EYS: variants seen among roughly 807,000 people sequenced by gnomAD.
EYS encodes EGF-like photoreceptor maintenance factor.
In EYS, 250 loss-of-function variants were observed where a neutral mutation model predicts 282.1. The ratio of observed to expected loss-of-function variants is 0.89; its 90% CI spans 0.80 to 0.98. The LOEUF (loss-of-function observed/expected upper bound fraction) is 0.98. EYS is among the 50% of genes least tolerant of loss of function. EYS has a pLI of 0.00. For synonymous variants in EYS, 1,355 were observed against 1,282.9 expected (o/e 1.06, Z -1.20); for missense variants, 4,016 against 3,709.0 (o/e 1.08, Z -2.15).
At chr6:65,120,634 G>T (rs6936093) in intron 12 of EYS, among the ~76,000 whole-genome samples, 3 of 152,026 alleles carry the variant, frequency 2.0e-5, no homozygotes, top group Non-Finnish European at 4.4e-5. Context: ...TAAAACCTCA[G>T]AGGGACTCCA....
chr6:64,108,323 C>A lies in EYS; in HGVS notation c.6425-26321G>T, dbSNP rs1342694585. ...ATTTCTGCTCCAATAAATTATAATT[C>A]TCTGTATTCAGCTGGCTGTTTTTCC... is the stretch of plus-strand genomic sequence containing the variant. On this transcript the variant is annotated intron_variant, in intron 31 of 42. Transcript: ENST00000503581. 2.0e-5 allele frequency among the ~76,000 whole-genome samples: 3 copies of A among 152,072 alleles called. No homozygotes were observed. The East Asian group carries it at 5.8e-4, about 29-fold the overall frequency.
intron 32 of EYS, among the ~76,000 whole-genome samples, chr6:64,070,028 TGTG>T (rs1771516480): frequency 6.6e-6 from 1 of 152,140 alleles, no homozygotes; most frequent in Non-Finnish European, 1.5e-5. Flanking sequence ...TTCAATCTGT[TGTG>T]AATTGTTTCT....
At chr6:64,240,549 C>G (rs989555107) in intron 30 of EYS, among the ~76,000 whole-genome samples, 1 of 151,994 alleles carries the variant, frequency 6.6e-6, no homozygotes, top group Non-Finnish European at 1.5e-5. Context: ...ATTTGGCTCT[C>G]TATTTGTCTG....
At chr6:65,443,499 T>G (rs1768510267) in intron 5 of EYS, among the ~76,000 whole-genome samples, 1 of 151,734 alleles carries the variant, frequency 6.6e-6, no homozygotes, top group Non-Finnish European at 1.5e-5. Context: ...GCGCATATAC[T>G]TATATGTATA....
intron 2 of EYS, among the ~76,000 whole-genome samples, chr6:65,628,676 G>C (rs565922797): frequency 6.6e-6 from 1 of 151,856 alleles, no homozygotes; most frequent in African/African-American, 2.4e-5. Flanking sequence ...CACTCACCGC[G>C]AAGGTCTGCA....
chr6:63,824,113 C>T (rs1300899231), intron 36 of EYS, among the ~76,000 whole-genome samples: 1 of 152,214 alleles, frequency 6.6e-6, no homozygotes, highest in Non-Finnish European at 1.5e-5. Flanking sequence ...TCTCGTCTCT[C>T]TTTCATTTAT....
Position 64,593,222 on chromosome 6 carries a change from T to C in EYS, c.3772A>G (p.Thr1258Ala), listed in dbSNP as rs2149833351. ...PIFQRTDPIS[T>A]QTYTIPPSET... ...GAAGGGGGAATTGTATATGTCTGTG[T>C]GGAAATGGGATCTGTTCTTTGAAAG... is the stretch of plus-strand genomic sequence containing the variant. The change falls in exon 25 of 43, where the codon ACA (threonine) becomes GCA (alanine). Residue 1258 changes from threonine to alanine, a missense_variant. By Grantham distance (58) the Thr-to-Ala change is moderately conservative. Coordinates refer to ENST00000503581, the MANE Select transcript of EYS (RefSeq NM_001142800.2). 2 of 1,550,726 alleles carry C rather than the reference T, an allele frequency of 1.3e-6. No homozygotes were observed. The highest frequency in any genetic ancestry group is 2.0e-5 in the Admixed American group (1 of 50,920).
rs554329139 is a variant in EYS, at chr6:64,309,941, G to A, written c.6079-2859C>T. On this transcript the variant is annotated intron_variant, in intron 29 of 42. Coordinates refer to ENST00000503581, the MANE Select transcript of EYS (RefSeq NM_001142800.2). ...GATCGTACCACTGCCCTCCAGCCTG[G>A]TGACAGAGCAAGACTCCATGAAAAA... 3.1e-4 allele frequency among the ~76,000 whole-genome samples: 45 copies of A among 146,516 alleles called. No homozygotes were observed. The East Asian group carries it at 8.3e-3, about 27-fold the overall frequency.
chr6:65,352,888 A>C (rs1408233794), intron 9 of EYS, among the ~76,000 whole-genome samples: 1 of 151,932 alleles, frequency 6.6e-6, no homozygotes, highest in East Asian at 1.9e-4. Flanking sequence ...ACAGGCCTTC[A>C]AAGAAGCCAT....
chr6:65,402,601 A>C lies in EYS; in HGVS notation c.1061T>G (p.Val354Gly). ...GTDCIKISND[V>G]MCICSPIFTD... ...AAATATTGGTGAACAGATGCACATA[A>C]CATCCTAGGAAAGATTAAAAAAATA... is the stretch of plus-strand genomic sequence containing the variant. Residue 354 changes from valine (V) to glycine (G), a missense_variant, in exon 7 of 43, where the codon GTT (valine) becomes GGT (glycine). Val to Gly is a moderately radical substitution (Grantham distance 109). Coordinates refer to ENST00000503581, the MANE Select transcript of EYS (RefSeq NM_001142800.2). The C allele has an allele frequency of 6.4e-7, 1 of 1,572,990 alleles. No individual in the cohort carries two copies. Among genetic ancestry groups the C allele is most frequent in the Non-Finnish European group, 8.7e-7 (1 of 1,143,890 alleles).
intron 12 of EYS, among the ~76,000 whole-genome samples, chr6:65,249,906 T>C (rs1187124483): frequency 6.6e-6 from 1 of 152,040 alleles, no homozygotes; most frequent in African/African-American, 2.4e-5. Flanking sequence ...GAAGCATCAC[T>C]GGCAATACGT....
intron 2 of EYS, among the ~76,000 whole-genome samples, chr6:65,623,063 C>T (rs956868665): frequency 2.6e-5 from 4 of 152,118 alleles, no homozygotes; most frequent in Non-Finnish European, 4.4e-5. Flanking sequence ...TGGTGATTCT[C>T]CTTTTTAATA....
intron 12 of EYS, among the ~76,000 whole-genome samples, chr6:65,180,783 A>G (rs561405263): frequency 6.6e-6 from 1 of 152,278 alleles, no homozygotes; most frequent in Admixed American, 6.5e-5. Context: ...AGCTGGAGGC[A>G]TCACCCTACC....
chr6:65,170,150 T>G (rs1765070274), intron 12 of EYS, among the ~76,000 whole-genome samples: 1 of 151,260 alleles, frequency 6.6e-6, no homozygotes, highest in South Asian at 2.1e-4. Context: ...AACCCCATGG[T>G]GAAGATGTTG....
At chr6:65,336,393 T>C (rs1159158698) in intron 10 of EYS, among the ~76,000 whole-genome samples, 3 of 151,750 alleles carry the variant, frequency 2.0e-5, no homozygotes, top group Admixed American at 6.6e-5. Context: ...TCATTTTTAA[T>C]AGTCAAATTG....
intron 8 of EYS, among the ~76,000 whole-genome samples, chr6:65,368,183 C>G (rs562214125): frequency 6.6e-6 from 1 of 151,502 alleles, no homozygotes; most frequent in African/African-American, 2.4e-5. Context: ...TGGGGGTAAC[C>G]GCCCCCATGA....
intron 16 of EYS, among the ~76,000 whole-genome samples, chr6:64,902,962 T>C (rs899125289): frequency 6.6e-5 from 10 of 152,068 alleles, no homozygotes; most frequent in Admixed American, 5.2e-4. Flanking sequence ...ACAAATTATT[T>C]TGATTCACAG....
At chr6:63,833,649 G>A (rs1362340370) in intron 36 of EYS, among the ~76,000 whole-genome samples, 3 of 152,126 alleles carry the variant, frequency 2.0e-5, no homozygotes. Flanking sequence ...GTAATTTTTA[G>A]ATTCAATGCC....
chr6:65,478,680 T>C (rs1440408048), intron 5 of EYS, among the ~76,000 whole-genome samples: 1 of 152,156 alleles, frequency 6.6e-6, no homozygotes, highest in Non-Finnish European at 1.5e-5. Context: ...TTATACATAA[T>C]TGATTTTAGT....
Sources: allele counts gnomAD v4.1 joint callset (sites outside exome capture counted in the v4.1 genomes callset), GRCh38; gene constraint gnomAD v4.1.1; transcripts MANE v1.5; gene names NCBI Gene and HGNC (gene_info 2026-07-23, HGNC 2026-07-21).